The following PRELID2 variants were observed in gnomAD, a reference collection of about 807,000 sequenced individuals.
PRELID2 encodes the protein PRELI domain-containing protein 2.
Under a neutral mutation model 28.4 loss-of-function variants are expected in PRELID2, and 25 were observed. The ratio of observed to expected loss-of-function variants is 0.88; its 90% CI spans 0.64 to 1.23. PRELID2 has a LOEUF of 1.23. Among genes scored for constraint, PRELID2 ranks in the 50% most tolerant of loss-of-function variants. PRELID2 has a pLI of 0.00. For synonymous variants in PRELID2, 76 were observed against 71.6 expected (o/e 1.06, Z -0.31); for missense variants, 201 against 214.4 (o/e 0.94, Z 0.39).
chr5:145,608,315 T>C (rs190654092), intron 1 of PRELID2, among the ~76,000 whole-genome samples: 27 of 152,290 alleles, frequency 1.8e-4, no homozygotes, highest in East Asian at 1.7e-3. Flanking sequence ...GCAGACTTGA[T>C]TGTGTGGTTG....
chr5:145,257,010 A>G, the PRELID2 span, among the ~76,000 whole-genome samples: 1 of 151,948 alleles, frequency 6.6e-6, no homozygotes, highest in Admixed American at 6.6e-5. Flanking sequence ...CTGAAGGAAA[A>G]TAATCACATA....
the PRELID2 span, chr5:145,229,970 G>A: frequency 0.24 from 180,520 of 739,714 alleles, 25,182 homozygotes; most frequent in Non-Finnish European, 0.29. Flanking sequence ...ATTATGAGCC[G>A]ATTGATGACA....
chr5:145,334,295 T>A, the PRELID2 span, among the ~76,000 whole-genome samples: 1,094 of 152,332 alleles, frequency 7.2e-3, 4 homozygotes, highest in Non-Finnish European at 0.013. Context: ...GTTATAAATA[T>A]CTGTTTTAAT....
the PRELID2 span, among the ~76,000 whole-genome samples, chr5:145,338,698 A>G: frequency 6.6e-6 from 1 of 152,320 alleles, no homozygotes; most frequent in African/African-American, 2.4e-5. Context: ...GACAGTTTCA[A>G]TTCCTACCAC....
chr5:145,698,179 T>C (rs1338841433), intron 1 of PRELID2, among the ~76,000 whole-genome samples: 1 of 152,202 alleles, frequency 6.6e-6, no homozygotes, highest in Admixed American at 6.5e-5. Flanking sequence ...ACCTCATATA[T>C]TTATTCATTC....
the PRELID2 span, among the ~76,000 whole-genome samples, chr5:145,359,375 C>A: frequency 6.6e-6 from 1 of 152,142 alleles, no homozygotes; most frequent in Non-Finnish European, 1.5e-5. Context: ...TTAATCTCTC[C>A]CTGTTCTCAA....
chr5:145,284,375 T>C, the PRELID2 span, among the ~76,000 whole-genome samples: 1 of 152,092 alleles, frequency 6.6e-6, no homozygotes, highest in Non-Finnish European at 1.5e-5. Flanking sequence ...TAAGCAAACC[T>C]CAAAACAGAC....
At chr5:145,607,127 C>T (rs1753516739) in intron 1 of PRELID2, among the ~76,000 whole-genome samples, 1 of 151,942 alleles carries the variant, frequency 6.6e-6, no homozygotes, top group South Asian at 2.1e-4. Flanking sequence ...TTTGGATCTC[C>T]CCTCTTTTTT....
downstream of PRELID2, among the ~76,000 whole-genome samples, chr5:145,471,585 A>C (rs1314693126): frequency 7.9e-5 from 12 of 151,766 alleles, no homozygotes; most frequent in East Asian, 1.9e-4. Context: ...CAATTCTAAC[A>C]CACACATTTT....
At chr5:145,396,233 C>G in the PRELID2 span, among the ~76,000 whole-genome samples, 2 of 152,100 alleles carry the variant, frequency 1.3e-5, no homozygotes, top group Non-Finnish European at 2.9e-5. Context: ...CTCTAATAAG[C>G]TACTGGGACA....
chr5:145,586,689 C>T (rs76562225), intron 1 of PRELID2, among the ~76,000 whole-genome samples: 6,432 of 152,052 alleles, frequency 0.042, 179 homozygotes, highest in Non-Finnish European at 0.062. Context: ...CCCATATATC[C>T]GACATCTCTG....
the PRELID2 span, among the ~76,000 whole-genome samples, chr5:145,417,293 A>G: frequency 3.9e-5 from 6 of 152,150 alleles, no homozygotes; most frequent in East Asian, 1.9e-4. Flanking sequence ...GACCAGATGA[A>G]TTCACAGCTG....
At chr5:145,591,236 C>T (rs1753222259) in intron 1 of PRELID2, among the ~76,000 whole-genome samples, 1 of 150,036 alleles carries the variant, frequency 6.7e-6, no homozygotes, top group Non-Finnish European at 1.5e-5. Flanking sequence ...GTTGGGACTA[C>T]AGTGAGTCAT....
rs2126670477 is a variant in PRELID2, at chr5:145,539,960, T to C, written n.71-66645A>G. ...GTGCCTCTAAGTAATGAAATTATGATTGTCGCTTTTCTTATTTTTTTATTT... is the reference window on the plus strand; with the variant it reads ...GTGCCTCTAAGTAATGAAATTATGACTGTCGCTTTTCTTATTTTTTTATTT... On this transcript the variant is annotated intron_variant and non_coding_transcript_variant, in intron 1 of 2. Transcript: ENST00000510259. Among the ~76,000 whole-genome samples the C allele has an allele frequency of 2.0e-5, 3 of 151,984 alleles. No individual in the cohort carries two copies. In the South Asian group the frequency reaches 6.2e-4, roughly 31 times the overall value.
the PRELID2 span, among the ~76,000 whole-genome samples, chr5:145,406,834 T>C: frequency 1.3e-5 from 2 of 152,172 alleles, no homozygotes; most frequent in African/African-American, 2.4e-5. Flanking sequence ...AGGAGAAAGA[T>C]TTAACCTTAC....
intron 1 of PRELID2, among the ~76,000 whole-genome samples, chr5:145,483,036 C>T (rs1042152699): frequency 3.3e-5 from 5 of 152,000 alleles, no homozygotes; most frequent in African/African-American, 7.2e-5. Flanking sequence ...GGACACCTGT[C>T]GAACAGTTTT....
the PRELID2 span, among the ~76,000 whole-genome samples, chr5:145,394,817 G>T: frequency 6.6e-6 from 1 of 152,096 alleles, no homozygotes; most frequent in East Asian, 1.9e-4. Context: ...TTTTGATTCT[G>T]GCTCTGTCGT....
the PRELID2 span, among the ~76,000 whole-genome samples, chr5:145,260,059 TC>T: frequency 3.3e-5 from 5 of 152,210 alleles, no homozygotes; most frequent in East Asian, 9.7e-4. Flanking sequence ...GTGTAACACC[TC>T]CCCTCGCACT....
the PRELID2 span, among the ~76,000 whole-genome samples, chr5:145,294,242 T>A: frequency 2.0e-5 from 3 of 152,178 alleles, no homozygotes; most frequent in Non-Finnish European, 4.4e-5. Context: ...ATTATTATTA[T>A]TATTTATTTA....
Sources: gnomAD v4.1 joint callset for allele counts (sites outside exome capture counted in the v4.1 genomes callset) on GRCh38, gnomAD v4.1.1 for gene constraint, MANE v1.5 for transcripts, NCBI Gene and HGNC (gene_info 2026-07-23, HGNC 2026-07-21) for gene names.